Variants in VMP1 observed in about 807,000 individuals in gnomAD.
The protein encoded by VMP1 is ectopic P-granules autophagy protein 3 homolog.
A neutral mutation model predicts 56.0 loss-of-function variants in VMP1; 11 were observed. The ratio of observed to expected loss-of-function variants is 0.20; its 90% CI spans 0.12 to 0.32. VMP1 has a LOEUF of 0.32. Among genes scored for constraint, VMP1 ranks in the 10% least tolerant of loss-of-function variants. The pLI, the probability that VMP1 is intolerant of heterozygous loss-of-function variation, is 1.00. For synonymous variants in VMP1, 149 were observed against 165.0 expected (o/e 0.90, Z 0.74); for missense variants, 296 against 490.3 (o/e 0.60, Z 3.74).
At chr17:59,780,793 G>T (rs984978571) in intron 7 of VMP1, among the ~76,000 whole-genome samples, 2 of 152,160 alleles carry the variant, frequency 1.3e-5, no homozygotes, top group East Asian at 3.9e-4. Context: ...TCACCATGTT[G>T]GCCAGGCTGG....
chr17:59,817,629 CTT>C (rs2038290463), intron 9 of VMP1, 81 bp from the exon 10 acceptor site: 2 of 1,021,086 alleles, frequency 2.0e-6, no homozygotes, highest in Non-Finnish European at 2.9e-6. Context: ...AATCTTACCT[CTT>C]TAGACTATTA....
chr17:59,737,376 A>G lies in VMP1; in HGVS notation c.213-77A>G, dbSNP rs1047265427. 7.6e-6 allele frequency: 11 copies of G among 1,450,454 alleles called. No homozygotes were observed. The Admixed American group carries it at 2.1e-4, about 28-fold the overall frequency. 89.8% of individuals were successfully genotyped at this position (1,450,454 alleles called of 1,614,324 possible). On this transcript the variant is annotated intron_variant, in intron 3 of 11. Transcript: ENST00000262291. ...CTGAGCTAGGTAACCTAACTGTTTC[A>G]GCAAGAAATTGTTCTGAGAATGATG...
rs956173686 is a variant in VMP1 at position 59,735,555 on chromosome 17, C to A, written c.212+82C>A. On this transcript the variant is annotated intron_variant, in intron 3 of 11. Transcript: ENST00000262291. Reference sequence around the variant, plus strand: ...TCCTCAGTAATCTCTTACTTTCTGCCCTCTACTCCATCAAAATGGATTAAT... The same window carrying A: ...TCCTCAGTAATCTCTTACTTTCTGCACTCTACTCCATCAAAATGGATTAAT... 5 of 1,438,218 alleles carry A rather than the reference C, an allele frequency of 3.5e-6. No individual in the cohort carries two copies. In the East Asian group the frequency reaches 1.1e-4, roughly 33 times the overall value. The allele number at this position is 1,438,218 out of a possible 1,614,324, so 89.1% of individuals were successfully genotyped here. A position where few individuals can be genotyped will look rare whatever the true frequency, so the allele number is the denominator to read the frequency against.
chr17:59,824,743 G>T (rs2038582335), intron 10 of VMP1, among the ~76,000 whole-genome samples: 1 of 151,220 alleles, frequency 6.6e-6, no homozygotes, highest in Non-Finnish European at 1.5e-5. Flanking sequence ...CGTGGTGATG[G>T]GTGCCTGTAG....
intron 11 of VMP1, 93 bp downstream of exon 11, chr17:59,838,490 G>T: frequency 1.5e-6 from 2 of 1,330,846 alleles, no homozygotes; most frequent in Non-Finnish European, 2.1e-6. Flanking sequence ...GCAAATAAGT[G>T]AAGTTGGTTT....
chr17:59,735,539 A>G (rs777574114), intron 3 of VMP1, 66 bp downstream of exon 3: 1 of 1,563,934 alleles, frequency 6.4e-7, no homozygotes, highest in Non-Finnish European at 8.7e-7. Context: ...ATCCTCAGTA[A>G]TCTCTTACTT....
chr17:59,726,599 C>T (rs1280507595), intron 1 of VMP1, among the ~76,000 whole-genome samples: 1 of 151,986 alleles, frequency 6.6e-6, no homozygotes, highest in East Asian at 1.9e-4. Flanking sequence ...TGGCCAAACC[C>T]ACATAGTTTT....
intron 1 of VMP1, among the ~76,000 whole-genome samples, chr17:59,713,269 GAGGGATAGCATT>G (rs375897406): frequency 4.0e-4 from 61 of 151,600 alleles, no homozygotes; most frequent in African/African-American, 1.5e-3. Context: ...GGGAAGGAGG[GAGGGATAGCATT>G]AGGAGATATA....
chr17:59,831,801 GTTT>G (rs11424411), intron 10 of VMP1, among the ~76,000 whole-genome samples: 1 of 149,130 alleles, frequency 6.7e-6, no homozygotes, highest in African/African-American at 2.5e-5. Context: ...GCATTCCTGA[GTTT>G]TTTTTTTAAC....
In VMP1 at chr17:59,822,329, T is replaced by C. The variant is rs530701817; in HGVS notation, c.974+4556T>C. On this transcript the variant is annotated intron_variant, in intron 10 of 11. Coordinates refer to ENST00000262291, the MANE Select transcript of VMP1 (RefSeq NM_030938.5). ...TTATGTTTTGAAGTAGGAAATACTT[T>C]TTTTTTTTTTTTTTTCTGAGACAGA... is the stretch of plus-strand genomic sequence containing the variant. 2.0e-5 allele frequency among the ~76,000 whole-genome samples: 3 copies of C among 148,872 alleles called. No homozygotes were observed. The East Asian group carries it at 5.9e-4, about 29-fold the overall frequency.
At chr17:59,781,444 C>T (rs1012876445) in intron 7 of VMP1, among the ~76,000 whole-genome samples, 6 of 152,110 alleles carry the variant, frequency 3.9e-5, no homozygotes, top group Non-Finnish European at 5.9e-5. Context: ...AAATTTTAGT[C>T]ACAAGTTCCT....
At chr17:59,837,804 GA>G (rs1482283160) in intron 10 of VMP1, 1 of 152,326 alleles carries the variant, frequency 6.6e-6, no homozygotes, top group Non-Finnish European at 1.5e-5. Context: ...ACAAGTCAGA[GA>G]GAGGGCGGGC....
rs1212535306 is a variant in VMP1 at position 59,731,530 on chromosome 17, T to A, written c.76+8T>A. On this transcript the variant is annotated splice_region_variant and intron_variant, in intron 2 of 11. Transcript: ENST00000262291. ...ATAATGGAAATTTCACAGGTAAATT[T>A]TGATGGTTTGCAGGGAGGAGTGCTA... 5 of 1,576,228 alleles carry A rather than the reference T, an allele frequency of 3.2e-6. No individual in the cohort carries two copies. In the South Asian group the frequency reaches 6.0e-5, roughly 19 times the overall value.
intron 1 of VMP1, among the ~76,000 whole-genome samples, chr17:59,719,841 T>TA (rs573533547): frequency 3.3e-5 from 5 of 151,872 alleles, no homozygotes; most frequent in African/African-American, 7.3e-5. Context: ...AGGAAACAAA[T>TA]AAAAAAAACC....
intron 6 of VMP1, 127 bp from the exon 7 acceptor site, chr17:59,773,627 A>C: frequency 6.8e-6 from 6 of 887,460 alleles, no homozygotes; most frequent in Non-Finnish European, 9.8e-6. Context: ...ATTATGTAGC[A>C]TATGCTTTCC....
chr17:59,813,743 A>C (rs1300718117), intron 9 of VMP1, among the ~76,000 whole-genome samples: 1 of 152,182 alleles, frequency 6.6e-6, no homozygotes, highest in East Asian at 1.9e-4. Context: ...CCTAAGGAAA[A>C]ATAACAGATT....
intron 5 of VMP1, among the ~76,000 whole-genome samples, chr17:59,758,685 G>A (rs1598349734): frequency 2.0e-5 from 3 of 151,950 alleles, no homozygotes; most frequent in South Asian, 4.2e-4. Flanking sequence ...AAATTATCTG[G>A]GCCAGGTGCG....
intron 10 of VMP1, among the ~76,000 whole-genome samples, chr17:59,819,850 A>G (rs995791894): frequency 1.3e-5 from 2 of 152,176 alleles, no homozygotes; most frequent in Non-Finnish European, 2.9e-5. Flanking sequence ...ACCATGCATT[A>G]TTTGTTCTTT....
intron 7 of VMP1, 74 bp downstream of exon 7, chr17:59,773,959 A>C (rs2036529045): frequency 1.5e-6 from 2 of 1,316,636 alleles, no homozygotes; most frequent in East Asian, 5.6e-5. Context: ...AATTGTTAGT[A>C]GTTACTCTGA....
Sources: gnomAD v4.1 joint callset for allele counts (sites outside exome capture counted in the v4.1 genomes callset) on GRCh38, gnomAD v4.1.1 for gene constraint, MANE v1.5 for transcripts, NCBI Gene and HGNC (gene_info 2026-07-23, HGNC 2026-07-21) for gene names.